Variants in ARHGEF33 observed in about 807,000 individuals in gnomAD.
ARHGEF33 encodes the protein DH and coiled-coil domain-containing protein ENSP00000381780.
A neutral mutation model predicts 101.9 loss-of-function variants in ARHGEF33; 72 were observed. The ratio of observed to expected loss-of-function variants is 0.71; its 90% CI spans 0.58 to 0.86. ARHGEF33 has a LOEUF of 0.86. Ranked by LOEUF, ARHGEF33 falls within the 40% of genes least tolerant of loss-of-function variation. The pLI is 0.00. For missense variants in ARHGEF33, 1,169 were observed against 1,111.3 expected (o/e 1.05, Z -0.74); for synonymous variants, 499 against 442.5 (o/e 1.13, Z -1.60).
At chr2:38,969,196 G>A (rs773367037) in intron 17 of ARHGEF33, among the ~76,000 whole-genome samples, 32 of 152,176 alleles carry the variant, frequency 2.1e-4, no homozygotes, top group Non-Finnish European at 3.8e-4. Flanking sequence ...CCTCCTGCGT[G>A]TCAGGAGGTC....
intron 16 of ARHGEF33, among the ~76,000 whole-genome samples, chr2:38,963,287 G>A (rs1232513105): frequency 6.6e-6 from 1 of 152,134 alleles, no homozygotes; most frequent in Non-Finnish European, 1.5e-5. Context: ...AACTCCTAGT[G>A]TTTCTTCCCT....
At chr2:38,929,094 T>G (rs1193962879) in intron 5 of ARHGEF33, 23 bp downstream of exon 5, 1 of 1,533,546 alleles carries the variant, frequency 6.5e-7, no homozygotes, top group Non-Finnish European at 8.8e-7. Flanking sequence ...TTAATTTCCC[T>G]GCTGACAAGA....
chr2:38,943,830 T>C, intron 9 of ARHGEF33, 71 bp from the exon 10 acceptor site: 1 of 1,438,308 alleles, frequency 7.0e-7, no homozygotes, highest in East Asian at 2.5e-5. Flanking sequence ...TTATCACTTT[T>C]ATTGCTTGCA....
rs1572759535 is a variant in ARHGEF33 at position 38,937,652 on chromosome 2, T to A, written c.790+93T>A. On this transcript the variant is annotated intron_variant, in intron 9 of 17. Coordinates refer to ENST00000409978, the MANE Select transcript of ARHGEF33 (RefSeq NM_001145451.5). ...AGGCGAGAATCCTTGCCGTTTAGAT[T>A]CAGTGGACACATGAGGCCACCTAGT... 4 of 779,088 alleles carry A rather than the reference T, an allele frequency of 5.1e-6. No homozygotes were observed. The East Asian group carries it at 1.1e-4, about 21-fold the overall frequency. The allele number at this position is 779,088 out of a possible 1,614,324, so 48.3% of individuals were successfully genotyped here.
In ARHGEF33 at chr2:38,931,213, A is replaced by G; in HGVS notation, c.467A>G (p.Asp156Gly). The change falls in exon 7 of 18, where the codon GAC becomes GGC. Residue 156 changes from aspartate to glycine, a missense_variant. By Grantham distance (94) the Asp-to-Gly change is moderately conservative (BLOSUM62 -1). Transcript: ENST00000409978. ...CCTGAGCCTGTTCTTCCAAGCGAAG[A>G]CTTTACCAACCTTTTGCCTTCTCAG... The part of the protein sequence containing the change: ...NIPEPVLPSE[D>G]FTNLLPSQAY... 1 of 1,551,424 alleles carries G rather than the reference A, an allele frequency of 6.4e-7. No individual in the cohort carries two copies. The highest frequency in any genetic ancestry group is 8.7e-7 in the Non-Finnish European group (1 of 1,146,862).
chr2:38,890,837 A>G (rs984490767), intron 1 of ARHGEF33, among the ~76,000 whole-genome samples: 2 of 152,140 alleles, frequency 1.3e-5, no homozygotes, highest in South Asian at 2.1e-4. Flanking sequence ...TTTGATGCAC[A>G]TTTATTCTAA....
intron 2 of ARHGEF33, among the ~76,000 whole-genome samples, chr2:38,899,776 G>A (rs948538344): frequency 6.6e-6 from 1 of 152,026 alleles, no homozygotes; most frequent in African/African-American, 2.4e-5. Context: ...CTTATTCTAT[G>A]TTGTATGCAT....
At chr2:38,954,496 C>A in intron 13 of ARHGEF33, 40 bp downstream of exon 13, 1 of 1,241,652 alleles carries the variant, frequency 8.1e-7, no homozygotes, top group Non-Finnish European at 1.2e-6. Flanking sequence ...GATTTGCATG[C>A]TAAGTAATTA....
intron 2 of ARHGEF33, among the ~76,000 whole-genome samples, chr2:38,914,203 A>G (rs1388962313): frequency 6.6e-6 from 1 of 152,226 alleles, no homozygotes; most frequent in Admixed American, 6.5e-5. Flanking sequence ...AGCCACATCT[A>G]TGGAAACTCC....
chr2:38,948,008 A>G (rs1667494585), intron 10 of ARHGEF33, among the ~76,000 whole-genome samples: 1 of 152,154 alleles, frequency 6.6e-6, no homozygotes, highest in Non-Finnish European at 1.5e-5. Context: ...TTGATTAAGT[A>G]CTATATTGTT....
intron 8 of ARHGEF33, 130 bp from the exon 9 acceptor site, chr2:38,937,205 A>AG: frequency 1.6e-6 from 1 of 608,372 alleles, no homozygotes; most frequent in South Asian, 2.0e-5. Flanking sequence ...CATGTTAGCC[A>AG]GGATGGTCTC....
At chr2:38,909,849 C>G (rs1354817653) in intron 2 of ARHGEF33, among the ~76,000 whole-genome samples, 1 of 151,478 alleles carries the variant, frequency 6.6e-6, no homozygotes, top group Non-Finnish European at 1.5e-5. Flanking sequence ...ACACTGTACT[C>G]TTTGTTTTCT....
At chr2:38,967,219 G>C (rs1234852268) in intron 17 of ARHGEF33, among the ~76,000 whole-genome samples, 1 of 152,182 alleles carries the variant, frequency 6.6e-6, no homozygotes, top group Non-Finnish European at 1.5e-5. Flanking sequence ...TTGCTGGTTT[G>C]TCTAATTGTA....
At chr2:38,964,664 A>G (rs999242267) in intron 16 of ARHGEF33, among the ~76,000 whole-genome samples, 2 of 151,922 alleles carry the variant, frequency 1.3e-5, no homozygotes, top group East Asian at 1.9e-4. Flanking sequence ...AATGCAGGCA[A>G]TGGGGAGCGG....
intron 2 of ARHGEF33, among the ~76,000 whole-genome samples, chr2:38,903,099 C>G (rs1485824572): frequency 6.6e-6 from 1 of 152,132 alleles, no homozygotes; most frequent in Non-Finnish European, 1.5e-5. Flanking sequence ...CCTCATATCC[C>G]TTATAGCCCA....
intron 7 of ARHGEF33, among the ~76,000 whole-genome samples, chr2:38,931,460 C>T (rs1021700312): frequency 1.3e-5 from 2 of 151,578 alleles, no homozygotes; most frequent in Non-Finnish European, 1.5e-5. Context: ...GGTGTGTGGT[C>T]GGGGGAATAC....
chr2:38,895,425 A>C (rs921726130), intron 1 of ARHGEF33, among the ~76,000 whole-genome samples: 1 of 152,238 alleles, frequency 6.6e-6, no homozygotes, highest in African/African-American at 2.4e-5. Flanking sequence ...TTTTACGGTC[A>C]TATCAACTGC....
chr2:38,947,409 A>C (rs372430576), intron 10 of ARHGEF33, among the ~76,000 whole-genome samples: 2 of 152,166 alleles, frequency 1.3e-5, no homozygotes, highest in East Asian at 3.8e-4. Flanking sequence ...TTTAGAGACA[A>C]GGTCTCTGTC....
chr2:38,959,048 A>G (rs1439165603), intron 15 of ARHGEF33, among the ~76,000 whole-genome samples: 1 of 152,268 alleles, frequency 6.6e-6, no homozygotes, highest in Non-Finnish European at 1.5e-5. Flanking sequence ...ATATGAATAC[A>G]TAAACTAGCA....
Sources: allele counts gnomAD v4.1 joint callset (sites outside exome capture counted in the v4.1 genomes callset), GRCh38; gene constraint gnomAD v4.1.1; transcripts MANE v1.5; gene names NCBI Gene and HGNC (gene_info 2026-07-23, HGNC 2026-07-21).